Variants in CD6 observed in about 807,000 individuals in gnomAD.
CD6 encodes the protein CD6 molecule.
In CD6, 53 loss-of-function variants were observed where a neutral mutation model predicts 75.3. That is an observed-to-expected ratio of 0.70 (90% CI 0.56 to 0.88). The LOEUF (loss-of-function observed/expected upper bound fraction) is 0.88. CD6 is among the 40% of genes least tolerant of loss of function. The pLI, the probability that CD6 is intolerant of heterozygous loss-of-function variation, is 0.00. For missense variants in CD6, 770 were observed against 897.1 expected, an observed-to-expected ratio of 0.86 and a Z score of 1.81; for synonymous variants, 359 against 381.5, an observed-to-expected ratio of 0.94 and a Z score of 0.69.
chr11:61,013,390 T>G (rs371902307), intron 6 of CD6, 33 bp from the exon 7 acceptor site: 79 of 1,611,788 alleles, frequency 4.9e-5, no homozygotes, highest in Non-Finnish European at 4.5e-5. Flanking sequence ...TGCCCATTCC[T>G]CTTTCTTCCT....
intron 1 of CD6, among the ~76,000 whole-genome samples, chr11:60,979,652 G>C (rs1041560694): frequency 2.0e-5 from 3 of 151,998 alleles, no homozygotes; most frequent in African/African-American, 7.3e-5. Context: ...ATTTTTAGTA[G>C]AGACGGGGTT....
At chr11:60,984,167 T>C (rs1857698760) in intron 1 of CD6, among the ~76,000 whole-genome samples, 1 of 152,218 alleles carries the variant, frequency 6.6e-6, no homozygotes. Flanking sequence ...TGAGAATATG[T>C]AAATATCTTA....
intron 1 of CD6, among the ~76,000 whole-genome samples, chr11:60,988,398 CG>C (rs775975997): frequency 2.0e-5 from 3 of 152,196 alleles, no homozygotes; most frequent in Non-Finnish European, 4.4e-5. Context: ...CTGTTAAGGA[CG>C]CAAGGTGGCC....
intron 1 of CD6, chr11:60,987,994 T>A (rs565403165): frequency 6.6e-6 from 1 of 152,348 alleles, no homozygotes; most frequent in Admixed American, 6.5e-5. Flanking sequence ...AGATGGGAAC[T>A]CAGAAGGACT....
chr11:60,993,507 C>A lies in CD6; in HGVS notation c.50-13067C>A, dbSNP rs145908581. On this transcript the variant is annotated intron_variant, in intron 1 of 12. Coordinates refer to ENST00000313421, the MANE Select transcript of CD6 (RefSeq NM_006725.5). ...CAGCTACCATATACCGCGTCCTAAGCGTTTTACGAAGATCACCCACCCGTG... is the reference window on the plus strand; with the variant it reads ...CAGCTACCATATACCGCGTCCTAAGAGTTTTACGAAGATCACCCACCCGTG... 1.6e-3 allele frequency among the ~76,000 whole-genome samples: 245 copies of A among 150,286 alleles called. 1 individual carries two copies. The highest frequency in any genetic ancestry group is 5.3e-3 in the African/African-American group (218 of 41,414).
At chr11:61,011,156 C>G (rs1466566821) in intron 6 of CD6, 21 bp downstream of exon 6, 58 of 1,565,146 alleles carry the variant, frequency 3.7e-5, no homozygotes. Flanking sequence ...CTGGGTACTA[C>G]GCGGTTTCTC....
At chr11:60,996,970 G>A (rs1023104940) in intron 1 of CD6, among the ~76,000 whole-genome samples, 6 of 152,196 alleles carry the variant, frequency 3.9e-5, no homozygotes, top group Non-Finnish European at 4.4e-5. Context: ...CACTAATAAG[G>A]AACAGAGCTG....
rs972734137 is a variant in CD6 at position 61,007,699 on chromosome 11, G to C, written c.258G>C (p.Leu86=). The part of the protein sequence containing the change: ...SRAAEAVCRA[L]GCGGAEAASQ... ...CCGCCGAGGCCGTGTGCCGAGCACT[G>C]GGCTGCGGCGGGGCGGAGGCCGCCT... is the stretch of plus-strand genomic sequence containing the variant. Residue 86 remains leucine (L), a synonymous_variant, in exon 3 of 13, where the codon CTG becomes CTC. Coordinates refer to ENST00000313421, the MANE Select transcript of CD6 (RefSeq NM_006725.5). This position sits in a 1 kb window ranked among gnomAD's most constrained non-coding sequence, Gnocchi z 4.2. 151 of 1,397,036 alleles carry C rather than the reference G, an allele frequency of 1.1e-4. 1 individual carries two copies. Among genetic ancestry groups the C allele is most frequent in the Non-Finnish European group, 1.4e-4 (149 of 1,076,096 alleles). 86.5% of individuals were successfully genotyped at this position (1,397,036 alleles called of 1,614,324 possible).
At chr11:60,972,859 C>T (rs1222452001) in intron 1 of CD6, among the ~76,000 whole-genome samples, 1 of 152,174 alleles carries the variant, frequency 6.6e-6, no homozygotes, top group Non-Finnish European at 1.5e-5. Context: ...GAGTGCTCTC[C>T]TCTCTGCCTT....
rs112331536 is a variant in CD6, at chr11:60,971,987, G to T, written c.49+73G>T. On this transcript the variant is annotated intron_variant, in intron 1 of 12. Transcript: ENST00000313421. ...GTCCGGCCCTCTCAGTCCCCTTTCT[G>T]GTTGTTTCCTTGTGGTCACTTTTCT... is the stretch of plus-strand genomic sequence containing the variant. 1.6e-5 allele frequency: 24 copies of T among 1,487,036 alleles called. No homozygotes were observed. In the African/African-American group the frequency reaches 2.1e-4, roughly 13 times the overall value. The allele number at this position is 1,487,036 out of a possible 1,614,324, so 92.1% of individuals were successfully genotyped here.
At chr11:61,014,044 G>A in intron 8 of CD6, 30 bp downstream of exon 8, 3 of 1,529,230 alleles carry the variant, frequency 2.0e-6, no homozygotes, top group Admixed American at 1.8e-5. Flanking sequence ...GGGTGTGGGA[G>A]GGCTGGGGAG....
At chr11:60,983,463 A>C in intron 1 of CD6, among the ~76,000 whole-genome samples, 1 of 152,286 alleles carries the variant, frequency 6.6e-6, no homozygotes, top group African/African-American at 2.4e-5. Context: ...CAATACAAAG[A>C]ATTTCCCCAT....
chr11:60,992,113 C>G (rs891769459), intron 1 of CD6, among the ~76,000 whole-genome samples: 1 of 152,118 alleles, frequency 6.6e-6, no homozygotes, highest in African/African-American at 2.4e-5. Context: ...TTCCTGCGCT[C>G]AAGCAATCCA....
chr11:61,008,271 CAGG>C, intron 3 of CD6: 2 of 504,180 alleles, frequency 4.0e-6, no homozygotes, highest in Non-Finnish European at 3.5e-6. Flanking sequence ...GCCAGGTTCA[CAGG>C]GTCCCTAAGC....
intron 1 of CD6, among the ~76,000 whole-genome samples, chr11:60,972,464 G>A (rs1857223988): frequency 6.6e-6 from 1 of 152,194 alleles, no homozygotes; most frequent in African/African-American, 2.4e-5. Flanking sequence ...CGAGCATGAA[G>A]GCCACCCCCA....
At chr11:60,973,640 AC>A (rs1408658215) in intron 1 of CD6, among the ~76,000 whole-genome samples, 1 of 152,170 alleles carries the variant, frequency 6.6e-6, no homozygotes, top group Non-Finnish European at 1.5e-5. Context: ...GATCGTGAAG[AC>A]CCAGAGCTCA....
chr11:60,990,140 C>T (rs2135066440), intron 1 of CD6, among the ~76,000 whole-genome samples: 1 of 152,214 alleles, frequency 6.6e-6, no homozygotes, highest in South Asian at 2.1e-4. Flanking sequence ...ACTGTTGTTA[C>T]TAGCCTCTTG....
intron 6 of CD6, 115 bp downstream of exon 6, chr11:61,011,250 C>T (rs945017940): frequency 9.7e-6 from 8 of 821,048 alleles, no homozygotes; most frequent in Non-Finnish European, 1.6e-5. Flanking sequence ...TGGTCCTCAT[C>T]CTCCACCTCC....
At chr11:60,995,378 C>T (rs2905513) in intron 1 of CD6, among the ~76,000 whole-genome samples, 38,963 of 152,024 alleles carry the variant, frequency 0.26, 6,749 homozygotes, top group East Asian at 0.56. Flanking sequence ...CTCCCGACCT[C>T]AGCTAGTCCA....
Sources: gnomAD v4.1 joint callset for allele counts (sites outside exome capture counted in the v4.1 genomes callset) on GRCh38, gnomAD v4.1.1 for gene constraint, Gnocchi (gnomAD v3.1) non-coding constraint, MANE v1.5 for transcripts, NCBI Gene and HGNC (gene_info 2026-07-23, HGNC 2026-07-21) for gene names.